Variants in UGT1A8 observed in about 807,000 individuals in gnomAD.
The protein encoded by UGT1A8 is UDP glucuronosyltransferase family 1 member A8.
In UGT1A8, 39 loss-of-function variants were observed where a neutral mutation model predicts 45.3. The ratio of observed to expected loss-of-function variants is 0.86; its 90% CI spans 0.67 to 1.12. UGT1A8 has a LOEUF of 1.12. Among genes scored for constraint, UGT1A8 ranks in the 50% most tolerant of loss-of-function variants. The pLI is 0.00. For missense variants in UGT1A8, 719 were observed against 664.9 expected (o/e 1.08, Z -0.90); for synonymous variants, 275 against 249.2 (o/e 1.10, Z -0.97).
At chr2:233,630,769 C>G (rs2073172203) in intron 1 of UGT1A8, among the ~76,000 whole-genome samples, 1 of 149,382 alleles carries the variant, frequency 6.7e-6, no homozygotes, top group African/African-American at 2.5e-5. Context: ...GGAAGATGTT[C>G]AGGTTTGTTA....
chr2:233,648,784 G>A (rs2073668061), intron 1 of UGT1A8: 1 of 857,176 alleles, frequency 1.2e-6, no homozygotes, highest in Admixed American at 2.0e-5. Flanking sequence ...GACTTTTAAG[G>A]AGAGAGTAAG....
chr2:233,768,088 A>G, intron 3 of UGT1A8, 132 bp from the exon 4 acceptor site: 2 of 1,591,352 alleles, frequency 1.3e-6, no homozygotes, highest in Non-Finnish European at 1.7e-6. Flanking sequence ...CTCAACCCAC[A>G]TTTTCTTCTG....
In UGT1A8 at chr2:233,772,770, T is replaced by C. The variant is rs10929303; in HGVS notation, c.*211T>C. 0.78 allele frequency: 1,055,817 copies of C among 1,348,090 alleles called. 415,213 individuals are homozygous for C. Among genetic ancestry groups the C allele is most frequent in the East Asian group, 0.89 (34,131 of 38,366 alleles). The allele number at this position is 1,348,090 out of a possible 1,614,324, so 83.5% of individuals were successfully genotyped here. ...ATTTGAATATGTATCGTGCCCCCTC[T>C]GGTGTCTTTGATCAGGATGACATGT... On this transcript the variant is annotated 3_prime_UTR_variant, in exon 5 of 5. Transcript: ENST00000373450.
intron 1 of UGT1A8, among the ~76,000 whole-genome samples, chr2:233,623,287 A>T (rs887047788): frequency 6.6e-6 from 1 of 152,082 alleles, no homozygotes; most frequent in Non-Finnish European, 1.5e-5. Flanking sequence ...CTTGATGGGG[A>T]TAGCATTGAA....
chr2:233,713,035 G>T, intron 1 of UGT1A8: 1 of 1,613,988 alleles, frequency 6.2e-7, no homozygotes, highest in Non-Finnish European at 8.5e-7. Context: ...CTGGCCACAG[G>T]ACTGCTGCTT....
chr2:233,736,519 G>A (rs746723553), intron 1 of UGT1A8, among the ~76,000 whole-genome samples: 27 of 152,186 alleles, frequency 1.8e-4, no homozygotes, highest in African/African-American at 5.3e-4. Context: ...CTGTCAACTC[G>A]TCAAAGTCAT....
At chr2:233,641,259 C>G (rs1056573058) in intron 1 of UGT1A8, among the ~76,000 whole-genome samples, 1 of 152,174 alleles carries the variant, frequency 6.6e-6, no homozygotes, top group Non-Finnish European at 1.5e-5. Flanking sequence ...CATGCCACAC[C>G]AGTCTCAGAG....
At chr2:233,620,570 T>A (rs1437578415) in intron 1 of UGT1A8, among the ~76,000 whole-genome samples, 1 of 152,222 alleles carries the variant, frequency 6.6e-6, no homozygotes, top group Non-Finnish European at 1.5e-5. Flanking sequence ...TGATTATAAA[T>A]CTTTTATGAG....
Position 233,747,991 on chromosome 2 carries a change from A to C in UGT1A8, c.856-19043A>C, listed in dbSNP as rs532442400. On this transcript the variant is annotated intron_variant, in intron 1 of 4. Transcript: ENST00000373450. The stretch of plus-strand genomic sequence containing the variant: ...GCATCTGTGTGGCTGTTCCGAGGGG[A>C]CTTTGTGATGGATTACCCCAGGCCG... 1.5e-4 allele frequency: 241 copies of C among 1,612,988 alleles called. 4 individuals are homozygous for C. In the African/African-American group the frequency reaches 3.1e-3, roughly 21 times the overall value.
intron 1 of UGT1A8, among the ~76,000 whole-genome samples, chr2:233,684,872 G>A (rs1411097993): frequency 6.6e-6 from 1 of 152,138 alleles, no homozygotes; most frequent in Non-Finnish European, 1.5e-5. Flanking sequence ...TGTTTCATAT[G>A]GGCAGGGTGT....
intron 1 of UGT1A8, among the ~76,000 whole-genome samples, chr2:233,744,523 C>A (rs2125863777): frequency 6.6e-6 from 1 of 152,020 alleles, no homozygotes; most frequent in Non-Finnish European, 1.5e-5. Context: ...AATAGCAAAT[C>A]TTATTTTTAT....
chr2:233,720,742 G>A (rs2125678345), intron 1 of UGT1A8, among the ~76,000 whole-genome samples: 1 of 144,784 alleles, frequency 6.9e-6, no homozygotes, highest in African/African-American at 2.6e-5. Flanking sequence ...GCCTCGTTCT[G>A]TCGCCCAGGC....
At chr2:233,694,512 A>C (rs2075224348) in intron 1 of UGT1A8, among the ~76,000 whole-genome samples, 1 of 152,186 alleles carries the variant, frequency 6.6e-6, no homozygotes, top group African/African-American at 2.4e-5. Context: ...CCCTCCTGAC[A>C]TGTAGGAAAA....
At chr2:233,729,880 G>T in intron 1 of UGT1A8, 1 of 1,613,860 alleles carries the variant, frequency 6.2e-7, no homozygotes, top group Non-Finnish European at 8.5e-7. Flanking sequence ...TCTCAGTCAT[G>T]CATCTGTGTG....
chr2:233,714,359 G>T (rs754648080), intron 1 of UGT1A8, among the ~76,000 whole-genome samples: 56 of 152,316 alleles, frequency 3.7e-4, no homozygotes, highest in East Asian at 3.9e-4. Context: ...AGGTTTCAAA[G>T]AAGTTGACTC....
At chr2:233,729,480 C>A in intron 1 of UGT1A8, 2 of 1,614,162 alleles carry the variant, frequency 1.2e-6, no homozygotes. Flanking sequence ...CAATGTTGAA[C>A]AATATGTCTT....
chr2:233,691,099 CT>C (rs1347037651), intron 1 of UGT1A8: 1 of 986,026 alleles, frequency 1.0e-6, no homozygotes, highest in Admixed American at 6.1e-5. Flanking sequence ...CTTGATCCCG[CT>C]ATTCCTACAT....
intron 1 of UGT1A8, among the ~76,000 whole-genome samples, chr2:233,653,365 G>C (rs1279140340): frequency 1.3e-5 from 2 of 152,044 alleles, no homozygotes; most frequent in Non-Finnish European, 2.9e-5. Context: ...CCTTCATATA[G>C]GTGTATCAAT....
rs530323805 is a variant in UGT1A8, at chr2:233,662,441, G to A, written c.855+43879G>A. On this transcript the variant is annotated intron_variant, in intron 1 of 4. Transcript: ENST00000373450. Reference sequence around the variant, plus strand: ...GACCAACACCGTTGAAACTCTTAATGTTCATGAGTAACCATTTATATAAAT... The same window carrying A: ...GACCAACACCGTTGAAACTCTTAATATTCATGAGTAACCATTTATATAAAT... Among the ~76,000 whole-genome samples, 3 of 152,088 alleles carry A rather than the reference G, an allele frequency of 2.0e-5. No homozygotes were observed. In the South Asian group the frequency reaches 6.2e-4, roughly 32 times the overall value.
Sources: allele counts gnomAD v4.1 joint callset (sites outside exome capture counted in the v4.1 genomes callset), GRCh38; gene constraint gnomAD v4.1.1; transcripts MANE v1.5; gene names NCBI Gene and HGNC (gene_info 2026-07-23, HGNC 2026-07-21).